The following MORC1 variants were observed in gnomAD, a reference collection of about 807,000 sequenced individuals.
MORC1 encodes the protein MORC family CW-type zinc finger protein 1.
Under a neutral mutation model 134.9 loss-of-function variants are expected in MORC1, and 59 were observed. That is an observed-to-expected ratio of 0.44 (90% CI 0.35 to 0.54). The LOEUF (loss-of-function observed/expected upper bound fraction) is 0.54, where lower values mean the gene tolerates loss of function less well. Ranked by LOEUF, MORC1 falls within the 20% of genes least tolerant of loss-of-function variation. MORC1 has a pLI of 0.00. For synonymous variants in MORC1, 395 were observed against 391.7 expected (o/e 1.01, Z -0.10); for missense variants, 947 against 1,134.5 (o/e 0.83, Z 2.37).
chr3:108,972,691 C>T (rs77368601), intron 24 of MORC1, among the ~76,000 whole-genome samples: 20 of 152,300 alleles, frequency 1.3e-4, no homozygotes, highest in African/African-American at 4.3e-4. Flanking sequence ...GTCAACACTA[C>T]GGCCGTTTTG....
intron 2 of MORC1, among the ~76,000 whole-genome samples, chr3:109,112,013 C>T (rs1049357021): frequency 1.3e-5 from 2 of 152,184 alleles, no homozygotes; most frequent in African/African-American, 4.8e-5. Context: ...AGTTCCATAA[C>T]ACATAGGTAT....
intron 23 of MORC1, among the ~76,000 whole-genome samples, chr3:108,981,750 C>T (rs905460618): frequency 2.6e-5 from 4 of 152,182 alleles, no homozygotes; most frequent in African/African-American, 9.7e-5. Flanking sequence ...TCTTTATCAT[C>T]ACCATCATTA....
chr3:108,968,567 G>T (rs1947281294), intron 26 of MORC1, among the ~76,000 whole-genome samples: 1 of 152,058 alleles, frequency 6.6e-6, no homozygotes. Flanking sequence ...TGGACTTTTG[G>T]CTAAGATCAA....
intron 17 of MORC1, among the ~76,000 whole-genome samples, chr3:109,015,471 T>A (rs1948796128): frequency 6.6e-6 from 1 of 152,220 alleles, no homozygotes; most frequent in Non-Finnish European, 1.5e-5. Flanking sequence ...TCTGCTCATC[T>A]TCTTTAATTC....
chr3:109,110,693 A>C, intron 3 of MORC1, 56 bp downstream of exon 3: 1 of 1,377,980 alleles, frequency 7.3e-7, no homozygotes, highest in Non-Finnish European at 1.0e-6. Flanking sequence ...ATACAAGCAA[A>C]ATAACTACAG....
intron 6 of MORC1, among the ~76,000 whole-genome samples, chr3:109,097,843 T>C (rs1950855883): frequency 6.6e-6 from 1 of 152,190 alleles, no homozygotes; most frequent in Non-Finnish European, 1.5e-5. Context: ...TTATAAAGTC[T>C]TATAAAGTAA....
At chr3:108,986,810 C>CA in intron 22 of MORC1, 70 bp downstream of exon 22, 1 of 1,082,738 alleles carries the variant, frequency 9.2e-7, no homozygotes, top group Non-Finnish European at 1.3e-6. Context: ...ATCAGGCTGT[C>CA]AAGCCATATT....
At chr3:109,017,844 CTT>C (rs1369726268) in intron 17 of MORC1, among the ~76,000 whole-genome samples, 1 of 152,162 alleles carries the variant, frequency 6.6e-6, no homozygotes, top group East Asian at 1.9e-4. Flanking sequence ...TTAAATGACA[CTT>C]ATAACTTCTC....
chr3:109,093,315 G>T, intron 8 of MORC1, 121 bp downstream of exon 8: 1 of 678,276 alleles, frequency 1.5e-6, no homozygotes, highest in Non-Finnish European at 2.5e-6. Context: ...CTAGTAACTA[G>T]GGTAAGATGA....
chr3:109,005,413 A>T (rs1464211622), intron 18 of MORC1, 98 bp from the exon 19 acceptor site: 1 of 1,145,910 alleles, frequency 8.7e-7, no homozygotes, highest in African/African-American at 1.6e-5. Flanking sequence ...GGTATTTCTT[A>T]TTACTACTAA....
intron 21 of MORC1, among the ~76,000 whole-genome samples, chr3:108,987,578 C>G (rs1158136780): frequency 2.6e-5 from 4 of 151,830 alleles, no homozygotes. Flanking sequence ...GTTACTGGCA[C>G]CTGGAGAGAG....
intron 8 of MORC1, among the ~76,000 whole-genome samples, chr3:109,087,193 G>C (rs1235513484): frequency 1.3e-5 from 2 of 151,322 alleles, no homozygotes; most frequent in African/African-American, 4.9e-5. Flanking sequence ...AAGGGAGAGT[G>C]AGGTATATGA....
chr3:109,073,230 C>T (rs1454325979), intron 8 of MORC1, among the ~76,000 whole-genome samples: 1 of 152,184 alleles, frequency 6.6e-6, no homozygotes, highest in African/African-American at 2.4e-5. Flanking sequence ...ATGTGCCATG[C>T]ATCATGGGTG....
intron 1 of MORC1, among the ~76,000 whole-genome samples, chr3:109,117,331 C>CAAAAAAAAAAAAA (rs202128565): frequency 1.8e-5 from 2 of 113,642 alleles, no homozygotes; most frequent in Non-Finnish European, 1.8e-5. Flanking sequence ...CAAAAGATGT[C>CAAAAAAAAAAAAA]AAAAAAAAAA....
chr3:109,078,123 A>G (rs901376276), intron 8 of MORC1, among the ~76,000 whole-genome samples: 1 of 152,134 alleles, frequency 6.6e-6, no homozygotes, highest in Non-Finnish European at 1.5e-5. Context: ...GTACATAGCA[A>G]TAAATATTGT....
intron 2 of MORC1, among the ~76,000 whole-genome samples, chr3:109,114,097 T>C (rs1249562584): frequency 6.6e-6 from 1 of 152,240 alleles, no homozygotes; most frequent in African/African-American, 2.4e-5. Context: ...AAGACAAGTA[T>C]ACACTGACAT....
At chr3:109,019,051 C>T (rs1453705813) in intron 17 of MORC1, 4 of 152,168 alleles carry the variant, frequency 2.6e-5, no homozygotes, top group Non-Finnish European at 5.9e-5. Context: ...GTTTCCTGTG[C>T]CCTAAATGTT....
In MORC1 at chr3:108,964,984, C is replaced by G. The variant is rs557284530; in HGVS notation, c.2605-1376G>C. Among the ~76,000 whole-genome samples, 6 of 152,226 alleles carry G rather than the reference C, an allele frequency of 3.9e-5. No individual in the cohort carries two copies. The South Asian group carries it at 6.2e-4, about 16-fold the overall frequency. On this transcript the variant is annotated intron_variant, in intron 26 of 27. Transcript: ENST00000232603. ...GATGACTTACAACTAAGGTAACCAC[C>G]ACCTCCACCAGGAAGCTTCATAGAT...
At chr3:109,029,844 T>C (rs1949197608) in intron 16 of MORC1, among the ~76,000 whole-genome samples, 1 of 152,202 alleles carries the variant, frequency 6.6e-6, no homozygotes, top group Non-Finnish European at 1.5e-5. Context: ...ACAGACAATG[T>C]GATAAGGCAG....
Sources: allele counts gnomAD v4.1 joint callset (sites outside exome capture counted in the v4.1 genomes callset), GRCh38; gene constraint gnomAD v4.1.1; transcripts MANE v1.5; gene names NCBI Gene and HGNC (gene_info 2026-07-23, HGNC 2026-07-21).